ANK3: variants seen among roughly 807,000 people sequenced by gnomAD.
ANK3 encodes the protein ankyrin-3.
In ANK3, 57 loss-of-function variants were observed where a neutral mutation model predicts 370.9. That is an observed-to-expected ratio of 0.15 (90% CI 0.12 to 0.19). The LOEUF (loss-of-function observed/expected upper bound fraction) is 0.19. ANK3 is among the 10% of genes least tolerant of loss of function. The pLI is 1.00. For missense variants in ANK3, 4,439 were observed against 5,302.1 expected, an observed-to-expected ratio of 0.84 and a Z score of 5.06; for synonymous variants, 1,929 against 1,946.3, an observed-to-expected ratio of 0.99 and a Z score of 0.23.
At chr10:60,687,432 C>A (rs902327632) in intron 1 of ANK3, among the ~76,000 whole-genome samples, 1 of 152,012 alleles carries the variant, frequency 6.6e-6, no homozygotes, top group Non-Finnish European at 1.5e-5. Context: ...AGATGGTCAA[C>A]AGGCACACAA....
At chr10:60,451,938 G>A (rs1027357673) in intron 2 of ANK3, among the ~76,000 whole-genome samples, 5 of 152,196 alleles carry the variant, frequency 3.3e-5, no homozygotes, top group African/African-American at 1.2e-4. Context: ...AGGACCTGTG[G>A]AAAGGTTACT....
At chr10:60,470,539 T>C (rs2065191583) in intron 2 of ANK3, among the ~76,000 whole-genome samples, 1 of 152,278 alleles carries the variant, frequency 6.6e-6, no homozygotes. Flanking sequence ...CAGAATTCGT[T>C]GACTTGAGTA....
chr10:60,410,194 T>C (rs1054109643), intron 2 of ANK3, among the ~76,000 whole-genome samples: 1 of 152,022 alleles, frequency 6.6e-6, no homozygotes, highest in African/African-American at 2.4e-5. Flanking sequence ...TTTGGGAGGC[T>C]GAGGCAGGAG....
intron 1 of ANK3, among the ~76,000 whole-genome samples, chr10:60,694,921 C>G (rs1208272847): frequency 2.0e-5 from 3 of 148,272 alleles, no homozygotes; most frequent in Non-Finnish European, 4.5e-5. Context: ...TGTAAATGGA[C>G]TAAATGCTCC....
At position 60,402,294 on chromosome 10, in the gene ANK3, T is replaced by TA. The variant is rs550876525; in HGVS notation, c.97-122656dup. ...TGATTTATAAAACTAAGAATATAAA[T>TA]AAAAAAATGCATAAGTATTAACGGG... On this transcript the variant is annotated intron_variant, in intron 2 of 43. Transcript: ENST00000373827. Among the ~76,000 whole-genome samples, 1,096 of 152,148 alleles carry TA rather than the reference T, an allele frequency of 7.2e-3. 11 individuals carry two copies. The highest frequency in any genetic ancestry group is 0.012 in the Non-Finnish European group (826 of 67,976).
At chr10:60,120,802 T>A (rs2093420696) in intron 25 of ANK3, among the ~76,000 whole-genome samples, 1 of 152,152 alleles carries the variant, frequency 6.6e-6, no homozygotes, top group Non-Finnish European at 1.5e-5. Context: ...ATAGCTTTTA[T>A]CCAGAAGTTA....
chr10:60,671,039 G>A (rs986120681), intron 1 of ANK3, among the ~76,000 whole-genome samples: 1 of 152,046 alleles, frequency 6.6e-6, no homozygotes, highest in African/African-American at 2.4e-5. Context: ...TAGGAACCTG[G>A]GTCGGAAATT....
At chr10:60,658,074 G>C (rs2078889879) in intron 1 of ANK3, among the ~76,000 whole-genome samples, 2 of 140,020 alleles carry the variant, frequency 1.4e-5, no homozygotes, top group Admixed American at 1.4e-4. Context: ...TATTGCCAAT[G>C]TAATTGTATC....
At chr10:60,135,344 T>C (rs1351534955) in intron 24 of ANK3, among the ~76,000 whole-genome samples, 1 of 152,224 alleles carries the variant, frequency 6.6e-6, no homozygotes, top group Non-Finnish European at 1.5e-5. Flanking sequence ...TGTCATGAGA[T>C]AGCTTTCATC....
intron 23 of ANK3, among the ~76,000 whole-genome samples, chr10:60,147,786 C>T (rs2094906825): frequency 6.6e-6 from 1 of 152,132 alleles, no homozygotes; most frequent in Non-Finnish European, 1.5e-5. Context: ...TTCCTGGGGC[C>T]TCCTCAGAAG....
In ANK3 at chr10:60,337,034, A is replaced by C. The variant is rs7475351; in HGVS notation, c.114+52391T>G. ...CATCAAGAAAAAGGCTTTAAAAAAA[A>C]AAACAAACAGTGGAAGATAAAGAAT... On this transcript the variant is annotated intron_variant, in intron 1 of 43. Transcript: ENST00000280772. 5.2e-3 allele frequency among the ~76,000 whole-genome samples: 786 copies of C among 151,896 alleles called. 7 individuals are homozygous for C. Among genetic ancestry groups the C allele is most frequent in the South Asian group, 0.011 (51 of 4,808 alleles).
chr10:60,381,676 G>A (rs1393677636), intron 1 of ANK3, among the ~76,000 whole-genome samples: 1 of 152,084 alleles, frequency 6.6e-6, no homozygotes, highest in Admixed American at 6.5e-5. Flanking sequence ...CTTTAGGAGG[G>A]GAAGCTGGAA....
chr10:60,191,033 TGAA>T (rs1020866459), intron 16 of ANK3, among the ~76,000 whole-genome samples: 14 of 152,004 alleles, frequency 9.2e-5, no homozygotes, highest in African/African-American at 3.4e-4. Flanking sequence ...GATAGCCAGA[TGAA>T]GGAGAATGAA....
chr10:60,140,432 T>C (rs2094512000), intron 23 of ANK3: 2 of 1,612,944 alleles, frequency 1.2e-6, no homozygotes, highest in South Asian at 2.2e-5. Context: ...AGCAGTGATT[T>C]AGAATCAACC....
chr10:60,612,104 G>GA (rs1346267824), intron 2 of ANK3, among the ~76,000 whole-genome samples: 1 of 152,090 alleles, frequency 6.6e-6, no homozygotes, highest in Non-Finnish European at 1.5e-5. Context: ...CAGAGATTCT[G>GA]AAAAAGGATT....
At chr10:60,127,831 G>A (rs1480382772) in intron 25 of ANK3, among the ~76,000 whole-genome samples, 4 of 151,420 alleles carry the variant, frequency 2.6e-5, no homozygotes, top group Admixed American at 2.6e-4. Flanking sequence ...CCAAGTAGCT[G>A]GGATTACAGG....
At chr10:60,641,287 G>C (rs2078628858) in intron 1 of ANK3, among the ~76,000 whole-genome samples, 1 of 150,510 alleles carries the variant, frequency 6.6e-6, no homozygotes, top group African/African-American at 2.4e-5. Context: ...CTACTTTAAA[G>C]TTCATATGGA....
At position 60,069,776 on chromosome 10, in the gene ANK3, A is replaced by G. The variant is rs1386293132; in HGVS notation, c.11105T>C (p.Leu3702Pro). The G allele has an allele frequency of 6.2e-7, 1 of 1,613,956 alleles. No individual in the cohort carries two copies. ...CQEGTSSSGS[L>P]EKSAAATNTS... The stretch of plus-strand genomic sequence containing the variant: ...GTTAGTGGCTGCTGCTGATTTCTCC[A>G]GGGAGCCACTACTGGATGTGCCTTC... Residue 3702 changes from leucine to proline, a missense_variant, in exon 37 of 44, where the codon CTG (leucine) becomes CCG (proline). This residue lies in a region of ANK3 where 496 missense variants were observed against 529.3 expected (regional missense o/e 0.94). Coordinates refer to ENST00000280772, the MANE Select transcript of ANK3 (RefSeq NM_020987.5).
At chr10:60,171,497 A>G (rs924191973) in intron 21 of ANK3, among the ~76,000 whole-genome samples, 2 of 152,222 alleles carry the variant, frequency 1.3e-5, no homozygotes, top group Admixed American at 1.3e-4. Context: ...GACAGAGCTG[A>G]TAATTCAAAA....
Sources: gnomAD v4.1 joint callset for allele counts (sites outside exome capture counted in the v4.1 genomes callset) on GRCh38, gnomAD v4.1.1 for gene constraint, gnomAD v4.1.1 regional missense constraint, MANE v1.5 for transcripts, NCBI Gene and HGNC (gene_info 2026-07-23, HGNC 2026-07-21) for gene names.